The following RAD51 variants were observed in gnomAD, a reference collection of about 807,000 sequenced individuals.
RAD51 encodes DNA repair protein RAD51 homolog 1.
A neutral mutation model predicts 41.5 loss-of-function variants in RAD51; 14 were observed. That is an observed-to-expected ratio of 0.34 (90% CI 0.22 to 0.53). The LOEUF (loss-of-function observed/expected upper bound fraction) is 0.53, where lower values mean the gene tolerates loss of function less well. Among genes scored for constraint, RAD51 ranks in the 20% least tolerant of loss-of-function variants. RAD51 has a pLI of 0.95. For missense variants in RAD51, 234 were observed against 422.0 expected (o/e 0.55, Z 3.90); for synonymous variants, 136 against 148.6 (o/e 0.92, Z 0.62).
chr15:40,714,530 A>G (rs942659065), intron 5 of RAD51, among the ~76,000 whole-genome samples: 1 of 152,264 alleles, frequency 6.6e-6, no homozygotes, highest in Non-Finnish European at 1.5e-5. Context: ...TCTGTCAACA[A>G]TAAACTAAAG....
chr15:40,700,944 T>A, intron 2 of RAD51, 120 bp from the exon 3 acceptor site: 1 of 1,176,648 alleles, frequency 8.5e-7, no homozygotes, highest in Non-Finnish European at 1.2e-6. Context: ...CCCAAGGATT[T>A]CAAGGGACAG....
At chr15:40,727,860 CT>C (rs754071390) in intron 6 of RAD51, among the ~76,000 whole-genome samples, 2,108 of 132,220 alleles carry the variant, frequency 0.016, 41 homozygotes, top group African/African-American at 0.054. Context: ...TAAACATTCT[CT>C]TTTTTTTTTT....
Position 40,730,614 on chromosome 15 carries a change from C to T in RAD51, c.897-441C>T, listed in dbSNP as rs182451162. On this transcript the variant is annotated intron_variant, in intron 9 of 9. Coordinates refer to ENST00000267868, the MANE Select transcript of RAD51 (RefSeq NM_002875.5). ...TCGGCTCACTGCAAGCTCCGCCTCC[C>T]GGGTTCACACCATTCTCCTGCCTCA... Among the ~76,000 whole-genome samples the T allele has an allele frequency of 1.2e-3, 172 of 147,890 alleles. 4 individuals are homozygous for T. The highest frequency in any genetic ancestry group is 3.4e-3 in the African/African-American group (137 of 40,214).
chr15:40,700,803 A>T (rs1894935698), intron 2 of RAD51, among the ~76,000 whole-genome samples: 1 of 152,210 alleles, frequency 6.6e-6, no homozygotes, highest in Admixed American at 6.5e-5. Context: ...ACATATCAAA[A>T]AAAAGTATAC....
At chr15:40,715,167 C>G (rs933067362) in intron 5 of RAD51, among the ~76,000 whole-genome samples, 1 of 152,070 alleles carries the variant, frequency 6.6e-6, no homozygotes, top group Admixed American at 6.6e-5. Context: ...AACAGCCTGG[C>G]CAAGATGGTG....
chr15:40,725,933 C>T (rs1401416524), intron 6 of RAD51, among the ~76,000 whole-genome samples: 1 of 151,844 alleles, frequency 6.6e-6, no homozygotes, highest in African/African-American at 2.4e-5. Context: ...TTGCAGTGAG[C>T]CAGGATCGTG....
At chr15:40,730,457 T>G (rs1229154199) in intron 9 of RAD51, among the ~76,000 whole-genome samples, 1 of 150,592 alleles carries the variant, frequency 6.6e-6, no homozygotes, top group Non-Finnish European at 1.5e-5. Flanking sequence ...TGAGCTATGA[T>G]CACACATCAC....
At chr15:40,724,914 A>T in intron 6 of RAD51, among the ~76,000 whole-genome samples, 2 of 97,536 alleles carry the variant, frequency 2.1e-5, no homozygotes, top group Admixed American at 1.3e-4. Context: ...TTTTTTTGAG[A>T]CAGAGTCTCG....
intron 3 of RAD51, among the ~76,000 whole-genome samples, chr15:40,703,403 A>G (rs1316030383): frequency 6.6e-6 from 1 of 152,236 alleles, no homozygotes; most frequent in African/African-American, 2.4e-5. Flanking sequence ...ATGAAATATT[A>G]AGTATATAGA....
At chr15:40,712,014 A>C (rs564014069) in intron 5 of RAD51, among the ~76,000 whole-genome samples, 68 of 151,454 alleles carry the variant, frequency 4.5e-4, no homozygotes, top group Non-Finnish European at 8.4e-4. Context: ...CAAGGTTGCC[A>C]TGAGCCAAGA....
At position 40,731,495 on chromosome 15, in the gene RAD51, A is replaced by G. The variant is rs1896873626; in HGVS notation, c.*317A>G. 2.5e-6 allele frequency: 1 copy of G among 400,058 alleles called. No individual in the cohort carries two copies. The highest frequency in any genetic ancestry group is 2.0e-5 in the African/African-American group (1 of 50,454). 24.8% of individuals were successfully genotyped at this position (400,058 alleles called of 1,614,324 possible). On this transcript the variant is annotated 3_prime_UTR_variant, in exon 10 of 10. Coordinates refer to ENST00000267868, the MANE Select transcript of RAD51 (RefSeq NM_002875.5). ...GGTTTAACAAGCTGTCTACTGGACA[A>G]TCTTATGTTTCCAAGAGAACTAAAG...
rs1896865858 is a variant in RAD51, at chr15:40,731,285, T to C, written c.*107T>C. On this transcript the variant is annotated 3_prime_UTR_variant, in exon 10 of 10. Coordinates refer to ENST00000267868, the MANE Select transcript of RAD51 (RefSeq NM_002875.5). ...CCTCTTCCTGTTGTGACTGCCAGGATAAAGCTTCCGGGAAAACAGCTATTA... is the reference window on the plus strand; with the variant it reads ...CCTCTTCCTGTTGTGACTGCCAGGACAAAGCTTCCGGGAAAACAGCTATTA... 6.7e-7 allele frequency: 1 copy of C among 1,495,696 alleles called. No individual in the cohort carries two copies. The highest frequency in any genetic ancestry group is 9.2e-7 in the Non-Finnish European group (1 of 1,081,268). 92.7% of individuals were successfully genotyped at this position (1,495,696 alleles called of 1,614,324 possible).
Position 40,698,771 on chromosome 15 carries a change from A to C in RAD51, c.13A>C (p.Met5Leu). The C allele has an allele frequency of 6.2e-7, 1 of 1,614,116 alleles. No individual in the cohort carries two copies. MAMQMQLEANADTSV... is the reference protein window; with the variant it reads MAMQLQLEANADTSV... Reference sequence around the variant, plus strand: ...GTATTTTTCAGTAATGGCAATGCAGATGCAGCTTGAAGCAAATGCAGATAC... The same window carrying C: ...GTATTTTTCAGTAATGGCAATGCAGCTGCAGCTTGAAGCAAATGCAGATAC... The change falls in exon 2 of 10, where the codon ATG becomes CTG. Residue 5 changes from methionine to leucine, a missense_variant. Physicochemically the swap from Met to Leu is conservative, Grantham distance 15. This residue lies in a region of RAD51 where 100 missense variants were observed against 135.5 expected (regional missense o/e 0.74). Transcript: ENST00000267868.
intron 5 of RAD51, among the ~76,000 whole-genome samples, chr15:40,710,319 T>C (rs1391358557): frequency 8.2e-6 from 1 of 122,240 alleles, no homozygotes; most frequent in Non-Finnish European, 1.7e-5. Context: ...CTGGCCAACA[T>C]GGTGAAACCC....
intron 5 of RAD51, among the ~76,000 whole-genome samples, chr15:40,717,194 C>T (rs543787938): frequency 1.3e-5 from 2 of 151,870 alleles, no homozygotes; most frequent in Admixed American, 6.6e-5. Flanking sequence ...CAAAATTAGC[C>T]GGGCGTGGTG....
chr15:40,704,098 G>A lies in RAD51; in HGVS notation c.226-2079G>A, dbSNP rs148085189. On this transcript the variant is annotated intron_variant, in intron 3 of 9. Coordinates refer to ENST00000267868, the MANE Select transcript of RAD51 (RefSeq NM_002875.5). ...TTTTATTTTATTTTATTTTTGAGAC[G>A]GAGTCTCCCTCTGTGCCCAGGCTGG... Among the ~76,000 whole-genome samples the A allele has an allele frequency of 2.3e-3, 344 of 151,594 alleles. 2 individuals carry two copies. The highest frequency in any genetic ancestry group is 8.0e-3 in the African/African-American group (329 of 41,332).
intron 6 of RAD51, among the ~76,000 whole-genome samples, chr15:40,724,570 A>G (rs1296106558): frequency 6.6e-6 from 1 of 151,888 alleles, no homozygotes; most frequent in African/African-American, 2.4e-5. Context: ...TGGTGCAATC[A>G]TAGCTCACTG....
At chr15:40,717,478 C>G (rs532298419) in intron 5 of RAD51, among the ~76,000 whole-genome samples, 128 of 152,270 alleles carry the variant, frequency 8.4e-4, no homozygotes, top group African/African-American at 3.1e-3. Flanking sequence ...GCATCATTCA[C>G]TTAAACTTTG....
intron 8 of RAD51, 29 bp from the exon 9 acceptor site, chr15:40,729,824 A>C: frequency 6.2e-7 from 1 of 1,614,218 alleles, no homozygotes; most frequent in Non-Finnish European, 8.5e-7. Flanking sequence ...CTATGGCCAC[A>C]AAATTGACAT....
Sources: allele counts gnomAD v4.1 joint callset (sites outside exome capture counted in the v4.1 genomes callset), GRCh38; gene constraint gnomAD v4.1.1; regional missense constraint gnomAD v4.1.1; transcripts MANE v1.5; gene names NCBI Gene and HGNC (gene_info 2026-07-23, HGNC 2026-07-21).